CCDC149: variants seen among roughly 807,000 people sequenced by gnomAD.
CCDC149 encodes coiled-coil domain-containing protein 149.
In CCDC149, 45 loss-of-function variants were observed where a neutral mutation model predicts 59.9. That is an observed-to-expected ratio of 0.75 (90% CI 0.59 to 0.96). The LOEUF (loss-of-function observed/expected upper bound fraction) is 0.96. Among genes scored for constraint, CCDC149 ranks in the 40% least tolerant of loss-of-function variants. The pLI, the probability that CCDC149 is intolerant of heterozygous loss-of-function variation, is 0.00. For synonymous variants in CCDC149, 245 were observed against 260.6 expected (o/e 0.94, Z 0.58); for missense variants, 584 against 664.7 (o/e 0.88, Z 1.33).
At chr4:24,956,790 A>T (rs1005252462) in intron 1 of CCDC149, among the ~76,000 whole-genome samples, 1 of 152,254 alleles carries the variant, frequency 6.6e-6, no homozygotes, top group African/African-American at 2.4e-5. Flanking sequence ...AGAAGGAAGC[A>T]GAAACTTGGC....
intron 12 of CCDC149, among the ~76,000 whole-genome samples, chr4:24,816,859 G>A (rs529355565): frequency 1.3e-5 from 2 of 152,122 alleles, no homozygotes; most frequent in South Asian, 2.1e-4. Flanking sequence ...CGTGTCCCCC[G>A]CTCCCCACTG....
At chr4:24,892,885 C>A (rs1396493444) in intron 1 of CCDC149, among the ~76,000 whole-genome samples, 15 of 152,166 alleles carry the variant, frequency 9.9e-5, no homozygotes, top group Admixed American at 7.9e-4. Flanking sequence ...AGTCCAGAAG[C>A]ATGACACCAG....
intron 1 of CCDC149, among the ~76,000 whole-genome samples, chr4:24,905,403 TTGCG>T (rs747658690): frequency 0.033 from 4,666 of 140,954 alleles, 125 homozygotes; most frequent in South Asian, 0.056. Context: ...TTCTTTCTTT[TTGCG>T]TGCGTGCGTG....
At chr4:24,922,668 A>G (rs1722330541) in intron 1 of CCDC149, among the ~76,000 whole-genome samples, 1 of 152,190 alleles carries the variant, frequency 6.6e-6, no homozygotes, top group African/African-American at 2.4e-5. Context: ...TTCTCAAATG[A>G]TGAATCCCTT....
intron 1 of CCDC149, among the ~76,000 whole-genome samples, chr4:24,941,488 T>G (rs1665495264): frequency 6.6e-6 from 1 of 151,966 alleles, no homozygotes; most frequent in Admixed American, 6.5e-5. Context: ...TTAAAAGAAC[T>G]AGGGAAGCAA....
chr4:24,836,294 C>T, intron 7 of CCDC149, 142 bp downstream of exon 7: 1 of 651,932 alleles, frequency 1.5e-6, no homozygotes, highest in Non-Finnish European at 2.7e-6. Context: ...TACTGGTTAC[C>T]CCAGTTAAAG....
intron 9 of CCDC149, chr4:24,828,787 C>T (rs1295386841): frequency 2.0e-5 from 3 of 151,856 alleles, no homozygotes; most frequent in Non-Finnish European, 2.9e-5. Flanking sequence ...TCAAAACAAA[C>T]AAACAAACAA....
At chr4:24,811,733 TG>T (rs1714619054) in intron 12 of CCDC149, among the ~76,000 whole-genome samples, 1 of 151,938 alleles carries the variant, frequency 6.6e-6, no homozygotes. Flanking sequence ...ATTAGCCAAG[TG>T]TGGTAGCGCG....
intron 1 of CCDC149, among the ~76,000 whole-genome samples, chr4:24,941,050 T>A (rs1220046461): frequency 6.6e-6 from 1 of 152,198 alleles, no homozygotes; most frequent in East Asian, 1.9e-4. Context: ...GCAGACCTAA[T>A]AGACATCTAC....
chr4:24,834,114 T>C (rs924802526), intron 8 of CCDC149, among the ~76,000 whole-genome samples: 4 of 152,208 alleles, frequency 2.6e-5, no homozygotes, highest in African/African-American at 9.6e-5. Flanking sequence ...TCTTTTCTGG[T>C]TGAGTGGAAA....
chr4:24,858,829 C>T (rs886222064), intron 3 of CCDC149, among the ~76,000 whole-genome samples: 2 of 152,110 alleles, frequency 1.3e-5, no homozygotes, highest in African/African-American at 4.8e-5. Context: ...CGGATCTCAC[C>T]CCCAACCTCT....
Position 24,925,357 on chromosome 4 carries a change from T to G in CCDC149, c.-64-30239A>C, listed in dbSNP as rs545700395. On this transcript the variant is annotated intron_variant, in intron 1 of 12. Transcript: ENST00000389609. ...ATTTTCCATAAGAAATACTTCAGTATGCAATTGAATAGCCTTTTTAGCCTG... is the reference window on the plus strand; with the variant it reads ...ATTTTCCATAAGAAATACTTCAGTAGGCAATTGAATAGCCTTTTTAGCCTG... 3.3e-5 allele frequency among the ~76,000 whole-genome samples: 5 copies of G among 152,352 alleles called. No homozygotes were observed. In the East Asian group the frequency reaches 9.6e-4, roughly 29 times the overall value.
intron 1 of CCDC149, among the ~76,000 whole-genome samples, chr4:24,893,612 A>ATTTTTTTTTTTTTT (rs1560241640): frequency 4.3e-4 from 4 of 9,382 alleles, no homozygotes; most frequent in Non-Finnish European, 6.9e-4. Flanking sequence ...TAAAATACAG[A>ATTTTTTTTTTTTTT]CTTTTTTTTT....
At chr4:24,858,055 A>G (rs1718137871) in intron 3 of CCDC149, among the ~76,000 whole-genome samples, 1 of 152,226 alleles carries the variant, frequency 6.6e-6, no homozygotes, top group Non-Finnish European at 1.5e-5. Flanking sequence ...AGTACATTTC[A>G]AAGTGCTCAA....
chr4:24,834,842 C>T (rs1467854507), intron 8 of CCDC149, 106 bp downstream of exon 8: 6 of 709,892 alleles, frequency 8.5e-6, no homozygotes, highest in South Asian at 2.4e-5. Flanking sequence ...TTCTATGGAT[C>T]GCCTCAGTTC....
At chr4:24,872,942 G>A (rs1374522265) in intron 3 of CCDC149, among the ~76,000 whole-genome samples, 1 of 146,300 alleles carries the variant, frequency 6.8e-6, no homozygotes, top group Non-Finnish European at 1.5e-5. Flanking sequence ...TGCACCCATA[G>A]AACAGTATGA....
At chr4:24,861,417 A>G (rs1010441756) in intron 3 of CCDC149, among the ~76,000 whole-genome samples, 1 of 152,050 alleles carries the variant, frequency 6.6e-6, no homozygotes, top group African/African-American at 2.4e-5. Context: ...TCTCACTGAT[A>G]TGTGGGAGTT....
At chr4:24,883,443 G>A (rs1399959152) in intron 1 of CCDC149, among the ~76,000 whole-genome samples, 1 of 150,780 alleles carries the variant, frequency 6.6e-6, no homozygotes, top group Non-Finnish European at 1.5e-5. Flanking sequence ...CTTGGTGAAA[G>A]GAACGAAGAG....
At chr4:24,888,312 T>G (rs992842466) in intron 1 of CCDC149, among the ~76,000 whole-genome samples, 1 of 152,192 alleles carries the variant, frequency 6.6e-6, no homozygotes, top group Non-Finnish European at 1.5e-5. Context: ...TTTAGTCAGA[T>G]AGCCATCAAT....
Sources: gnomAD v4.1 joint callset for allele counts (sites outside exome capture counted in the v4.1 genomes callset) on GRCh38, gnomAD v4.1.1 for gene constraint, MANE v1.5 for transcripts, NCBI Gene and HGNC (gene_info 2026-07-23, HGNC 2026-07-21) for gene names.